PCDHA2: variants seen among roughly 807,000 people sequenced by gnomAD.
PCDHA2 encodes protocadherin alpha-2.
Under a neutral mutation model 66.0 loss-of-function variants are expected in PCDHA2, and 58 were observed. That is an observed-to-expected ratio of 0.88 (90% CI 0.71 to 1.09). PCDHA2 has a LOEUF of 1.09. Ranked by LOEUF, PCDHA2 falls within the 50% of genes least tolerant of loss-of-function variation. The pLI is 0.00. For missense variants in PCDHA2, 1,267 were observed against 1,242.3 expected (o/e 1.02, Z -0.30); for synonymous variants, 634 against 554.0 (o/e 1.14, Z -2.03).
intron 1 of PCDHA2, among the ~76,000 whole-genome samples, chr5:140,954,317 G>A (rs571385484): frequency 2.6e-5 from 4 of 152,292 alleles, no homozygotes; most frequent in East Asian, 3.9e-4. Context: ...GGATTGCTGC[G>A]TCAAATGGTA....
intron 1 of PCDHA2, among the ~76,000 whole-genome samples, chr5:140,820,259 C>T (rs1766721633): frequency 6.6e-6 from 1 of 151,944 alleles, no homozygotes; most frequent in African/African-American, 2.4e-5. Context: ...TATAAGGGAA[C>T]TGGTAAATAT....
At position 140,797,024 on chromosome 5, in the gene PCDHA2, C is replaced by T; in HGVS notation, c.2060C>T (p.Ala687Val). The change falls in exon 1 of 4, where the codon GCG (alanine) becomes GTG (valine). Residue 687 changes from alanine (A) to valine (V), a missense_variant. By Grantham distance (64) the Ala-to-Val change is moderately conservative. Coordinates refer to ENST00000526136, the MANE Select transcript of PCDHA2 (RefSeq NM_018905.3). ...TCGTCGCGGGCGTGGGTGGGCGCCG[C>T]GGGCTCAGAGGCTACGCTGGTGGAT... ...KASSRAWVGA[A>V]GSEATLVDVN... The T allele has an allele frequency of 6.2e-7, 1 of 1,613,746 alleles. No homozygotes were observed. Among genetic ancestry groups the T allele is most frequent in the Non-Finnish European group, 8.5e-7 (1 of 1,179,976 alleles).
intron 1 of PCDHA2, chr5:140,867,501 C>G (rs2049995274): frequency 6.6e-6 from 1 of 151,954 alleles, no homozygotes. Context: ...AAAAGTAGAA[C>G]AAAATCTCAA....
intron 1 of PCDHA2, among the ~76,000 whole-genome samples, chr5:140,972,725 G>A (rs985697414): frequency 2.7e-5 from 4 of 146,408 alleles, no homozygotes; most frequent in African/African-American, 7.7e-5. Context: ...GTGCAGTGGC[G>A]TAATCCCGGC....
intron 1 of PCDHA2, among the ~76,000 whole-genome samples, chr5:140,891,446 G>T (rs1554184841): frequency 1.0e-4 from 15 of 149,150 alleles, no homozygotes. Context: ...CATTGTATAG[G>T]ATTTTTGAAT....
At chr5:140,912,061 C>T (rs1321149990) in intron 1 of PCDHA2, among the ~76,000 whole-genome samples, 2 of 152,162 alleles carry the variant, frequency 1.3e-5, no homozygotes, top group Non-Finnish European at 2.9e-5. Context: ...AACTTGGAGT[C>T]CAATGTTCAA....
intron 1 of PCDHA2, among the ~76,000 whole-genome samples, chr5:140,964,058 A>C (rs147228403): frequency 1.4e-3 from 207 of 152,356 alleles, no homozygotes; most frequent in Admixed American, 4.3e-3. Flanking sequence ...TGGTGTGGTC[A>C]AGGCATTAGT....
At position 140,894,665 on chromosome 5, in the gene PCDHA2, G is replaced by T. The variant is rs189476056; in HGVS notation, c.2389-84284G>T. Among the ~76,000 whole-genome samples, 418 of 151,474 alleles carry T rather than the reference G, an allele frequency of 2.8e-3. 2 individuals are homozygous for T. Among genetic ancestry groups the T allele is most frequent in the Middle Eastern group, 0.011 (3 of 280 alleles). On this transcript the variant is annotated intron_variant, in intron 1 of 3. Transcript: ENST00000526136. ...CTGAGTCTCTCTAATTCTGATTTGT[G>T]TATTCTTGCATAGCTTTTCATTATT...
In PCDHA2 at chr5:141,010,436, G is replaced by C; in HGVS notation, c.*499G>C. 2 of 1,038,344 alleles carry C rather than the reference G, an allele frequency of 1.9e-6. No individual in the cohort carries two copies. Among genetic ancestry groups the C allele is most frequent in the Admixed American group, 5.8e-5 (2 of 34,296 alleles). The allele number at this position is 1,038,344 out of a possible 1,614,324, so 64.3% of individuals were successfully genotyped here. A position where few individuals can be genotyped will look rare whatever the true frequency, so the allele number is the denominator to read the frequency against. On this transcript the variant is annotated 3_prime_UTR_variant, in exon 4 of 4. Coordinates refer to ENST00000526136, the MANE Select transcript of PCDHA2 (RefSeq NM_018905.3). The stretch of plus-strand genomic sequence containing the variant: ...GGTACAAGGAAGGCAAGAAAACAAA[G>C]ACAAATAAACAGCGGAAGTTATCAG...
chr5:140,945,947 ACCCTGAAAG>A (rs1554217229), intron 1 of PCDHA2, among the ~76,000 whole-genome samples: 1 of 152,132 alleles, frequency 6.6e-6, no homozygotes, highest in Admixed American at 6.5e-5. Flanking sequence ...TTTTTATATG[ACCCTGAAAG>A]CACAGGCAAT....
In PCDHA2 at chr5:140,826,703, G is replaced by A. The variant is rs1350880240; in HGVS notation, c.2388+29351G>A. Among the ~76,000 whole-genome samples the A allele has an allele frequency of 3.9e-5, 6 of 152,222 alleles. No individual in the cohort carries two copies. In the East Asian group the frequency reaches 5.8e-4, roughly 15 times the overall value. Reference sequence around the variant, plus strand: ...AAAAAAACCCAGCTAAAACAAAGGTGGTATTGAGAAAGAGGAAGAGCAAGT... The same window carrying A: ...AAAAAAACCCAGCTAAAACAAAGGTAGTATTGAGAAAGAGGAAGAGCAAGT... On this transcript the variant is annotated intron_variant, in intron 1 of 3. Coordinates refer to ENST00000526136, the MANE Select transcript of PCDHA2 (RefSeq NM_018905.3).
rs781876036 is a variant in PCDHA2 at position 140,857,534 on chromosome 5, C to T, written c.2388+60182C>T. The T allele has an allele frequency of 1.3e-5, 20 of 1,597,344 alleles. 2 individuals are homozygous for T. The highest frequency in any genetic ancestry group is 1.5e-5 in the Non-Finnish European group (18 of 1,167,750). On this transcript the variant is annotated intron_variant, in intron 1 of 3. Transcript: ENST00000526136. ...CCTGGTGTCCTACTCTCTGGTGGAG[C>T]GGCGGTTGGGCGAGCGCTCGCTGTC...
chr5:140,850,795 CCGA>C, intron 1 of PCDHA2: 1 of 1,598,426 alleles, frequency 6.3e-7, no homozygotes, highest in Non-Finnish European at 8.6e-7. Flanking sequence ...AAGCAGAAGA[CCGA>C]CCTCATGGCC....
intron 3 of PCDHA2, among the ~76,000 whole-genome samples, chr5:141,000,501 C>G (rs1252221313): frequency 2.1e-5 from 3 of 139,584 alleles, no homozygotes; most frequent in Admixed American, 7.5e-5. Flanking sequence ...GATCTCGGCT[C>G]ACTGCAACCT....
chr5:140,822,174 CAG>C lies in PCDHA2; in HGVS notation c.2388+24824_2388+24825del, dbSNP rs2150114335. 10 of 1,614,246 alleles carry C rather than the reference CAG, an allele frequency of 6.2e-6. No homozygotes were observed. In the East Asian group the frequency reaches 2.0e-4, roughly 32 times the overall value. On this transcript the variant is annotated intron_variant, in intron 1 of 3. Coordinates refer to ENST00000526136, the MANE Select transcript of PCDHA2 (RefSeq NM_018905.3). ...TCAATGACAATCCGCCCAGGTTCTC[CAG>C]ACAAGAACAAAGATTATTCATTTTA...
chr5:140,803,346 C>T (rs1554122739), intron 1 of PCDHA2: 5 of 1,614,196 alleles, frequency 3.1e-6, no homozygotes, highest in Admixed American at 1.7e-5. Flanking sequence ...CACACTGCTG[C>T]TATATACTGC....
chr5:140,829,777 G>T (rs1554132235), intron 1 of PCDHA2: 4 of 1,613,626 alleles, frequency 2.5e-6, no homozygotes, highest in African/African-American at 1.3e-5. Context: ...ACGACAACGC[G>T]CCGGCGCTGC....
At chr5:140,852,307 G>A (rs2042297271) in intron 1 of PCDHA2, 5 of 377,800 alleles carry the variant, frequency 1.3e-5, no homozygotes, top group African/African-American at 2.2e-5. Context: ...AGACGGAGTC[G>A]TTTTCTGCCA....
At chr5:140,985,491 G>C (rs1288786153) in intron 3 of PCDHA2, among the ~76,000 whole-genome samples, 3 of 152,166 alleles carry the variant, frequency 2.0e-5, no homozygotes, top group African/African-American at 7.2e-5. Flanking sequence ...GACTCAAATA[G>C]AGCCTGCCTT....
Sources: allele counts gnomAD v4.1 joint callset (sites outside exome capture counted in the v4.1 genomes callset), GRCh38; gene constraint gnomAD v4.1.1; transcripts MANE v1.5; gene names NCBI Gene and HGNC (gene_info 2026-07-23, HGNC 2026-07-21).